Variants in LRFN5 observed in about 807,000 individuals in gnomAD.
LRFN5 encodes leucine-rich repeat and fibronectin type-III domain-containing protein 5.
LRFN5 carries 24 observed loss-of-function variants against 45.6 expected under a neutral mutation model. That is an observed-to-expected ratio of 0.53 (90% CI 0.38 to 0.74). LRFN5 has a LOEUF of 0.74. Among genes scored for constraint, LRFN5 ranks in the 30% least tolerant of loss-of-function variants. The pLI is 0.00. For missense variants in LRFN5, 776 were observed against 861.5 expected, an observed-to-expected ratio of 0.90 and a Z score of 1.24; for synonymous variants, 340 against 313.8, an observed-to-expected ratio of 1.08 and a Z score of -0.88.
chr14:41,880,390 G>T (rs183162026), intron 2 of LRFN5, among the ~76,000 whole-genome samples: 1 of 151,886 alleles, frequency 6.6e-6, no homozygotes, highest in Admixed American at 6.6e-5. Flanking sequence ...TTAGATAACT[G>T]ATTTTAAACC....
chr14:41,635,121 A>C (rs916791188), intron 1 of LRFN5, among the ~76,000 whole-genome samples: 8 of 152,112 alleles, frequency 5.3e-5, no homozygotes, highest in Admixed American at 2.0e-4. Flanking sequence ...TATTTTTATA[A>C]TTTTAGAACT....
chr14:41,799,998 A>G lies in LRFN5; in HGVS notation c.-21+32969A>G, dbSNP rs144648265. On this transcript the variant is annotated intron_variant, in intron 2 of 5. Transcript: ENST00000298119. ...GGACAGGGAAGGGAAGGAAAAATTT[A>G]TCACTGATCAATTATTGGTAAGATA... is the stretch of plus-strand genomic sequence containing the variant. Among the ~76,000 whole-genome samples the G allele has an allele frequency of 3.4e-4, 52 of 152,090 alleles. No individual in the cohort carries two copies. In the East Asian group the frequency reaches 9.7e-3, roughly 28 times the overall value.
chr14:41,607,692 GCGGC>G lies in LRFN5; in HGVS notation c.-1066_-1063del, dbSNP rs1467985017. The stretch of plus-strand genomic sequence containing the variant: ...ACCCATTTTCCTGGCTGGATTTGGA[GCGGC>G]TGCTGGGCTGTGGACCCAGGTGTGT... On this transcript the variant is annotated 5_prime_UTR_variant, in exon 1 of 6. The change abolishes the stop of an existing upstream ORF in the 5' untranslated region. Coordinates refer to ENST00000298119, the MANE Select transcript of LRFN5 (RefSeq NM_152447.5). The G allele has an allele frequency of 6.6e-6, 1 of 152,336 alleles. No homozygotes were observed. The highest frequency in any genetic ancestry group is 2.4e-5 in the African/African-American group (1 of 41,448). The allele number at this position is 152,336 out of a possible 1,614,324, so 9.4% of individuals were successfully genotyped here. A position where few individuals can be genotyped will look rare whatever the true frequency, so the allele number is the denominator to read the frequency against.
intron 1 of LRFN5, among the ~76,000 whole-genome samples, chr14:41,665,714 A>G (rs1306956925): frequency 2.0e-5 from 3 of 152,058 alleles, no homozygotes; most frequent in African/African-American, 7.2e-5. Flanking sequence ...CTACTAGGAT[A>G]AAGTTAAAAC....
intron 1 of LRFN5, among the ~76,000 whole-genome samples, chr14:41,656,406 G>T (rs1001491257): frequency 1.3e-5 from 2 of 151,880 alleles, no homozygotes; most frequent in Non-Finnish European, 2.9e-5. Flanking sequence ...TTCTTGTTTG[G>T]TAGTATTTGA....
At chr14:41,842,595 C>G (rs1888901854) in intron 2 of LRFN5, among the ~76,000 whole-genome samples, 1 of 152,032 alleles carries the variant, frequency 6.6e-6, no homozygotes, top group Non-Finnish European at 1.5e-5. Context: ...ATTAAATACA[C>G]TGATACATTT....
intron 1 of LRFN5, among the ~76,000 whole-genome samples, chr14:41,631,594 A>G (rs930331581): frequency 1.4e-4 from 21 of 152,186 alleles, no homozygotes; most frequent in African/African-American, 5.1e-4. Flanking sequence ...AGTGAATGTA[A>G]GATATCAAGT....
chr14:41,621,261 T>C (rs1296961758), intron 1 of LRFN5, among the ~76,000 whole-genome samples: 4 of 152,088 alleles, frequency 2.6e-5, no homozygotes, highest in African/African-American at 7.2e-5. Context: ...ATATTGGGAA[T>C]GAGAAATTAG....
At chr14:41,797,256 A>G (rs928215796) in intron 2 of LRFN5, among the ~76,000 whole-genome samples, 41 of 151,662 alleles carry the variant, frequency 2.7e-4, no homozygotes, top group African/African-American at 8.7e-4. Flanking sequence ...TTATTTATTT[A>G]TTTGGGTGTT....
chr14:41,752,324 C>G (rs574637230), intron 1 of LRFN5, among the ~76,000 whole-genome samples: 1 of 152,174 alleles, frequency 6.6e-6, no homozygotes, highest in South Asian at 2.1e-4. Context: ...GTTCTAGATC[C>G]CTGAGGAATC....
intron 2 of LRFN5, among the ~76,000 whole-genome samples, chr14:41,812,078 A>G (rs750184577): frequency 1.3e-5 from 2 of 152,092 alleles, no homozygotes; most frequent in Non-Finnish European, 2.9e-5. Context: ...AATATCTACT[A>G]TCTAGGACAT....
intron 2 of LRFN5, among the ~76,000 whole-genome samples, chr14:41,802,158 G>A (rs1037672799): frequency 1.3e-5 from 2 of 152,166 alleles, no homozygotes; most frequent in African/African-American, 4.8e-5. Context: ...CTGGACAAAA[G>A]TTAAAGCAGT....
intron 1 of LRFN5, among the ~76,000 whole-genome samples, chr14:41,741,897 C>T (rs1214847276): frequency 6.7e-6 from 1 of 150,108 alleles, no homozygotes; most frequent in African/African-American, 2.4e-5. Context: ...TGTGAATGAC[C>T]AACAGATATA....
intron 2 of LRFN5, among the ~76,000 whole-genome samples, chr14:41,880,779 C>T (rs1200348576): frequency 6.6e-6 from 1 of 152,016 alleles, no homozygotes; most frequent in Non-Finnish European, 1.5e-5. Context: ...TTTTTCCTAT[C>T]GTGTCATTTC....
rs571153216 is a variant in LRFN5, at chr14:41,797,365, C to T, written c.-21+30336C>T. On this transcript the variant is annotated intron_variant, in intron 2 of 5. Transcript: ENST00000298119. ...TGCCATTTGTTTGTGAATATATCACCTTCCTATTTTGTGATGATTTTTAAA... is the reference window on the plus strand; with the variant it reads ...TGCCATTTGTTTGTGAATATATCACTTTCCTATTTTGTGATGATTTTTAAA... Among the ~76,000 whole-genome samples, 5 of 151,598 alleles carry T rather than the reference C, an allele frequency of 3.3e-5. No homozygotes were observed. In the South Asian group the frequency reaches 1.0e-3, roughly 31 times the overall value.
chr14:41,793,424 T>G lies in LRFN5; in HGVS notation c.-21+26395T>G, dbSNP rs147971110. ...TGAAATAGTTCTTTTCCAGTAAAAT[T>G]TCATAATATTGTAACTTTTGGAATA... On this transcript the variant is annotated intron_variant, in intron 2 of 5. Coordinates refer to ENST00000298119, the MANE Select transcript of LRFN5 (RefSeq NM_152447.5). 3.0e-3 allele frequency among the ~76,000 whole-genome samples: 461 copies of G among 152,228 alleles called. 4 individuals are homozygous for G. The highest frequency in any genetic ancestry group is 0.011 in the African/African-American group (438 of 41,562).
chr14:41,827,943 C>G (rs952308504), intron 2 of LRFN5, among the ~76,000 whole-genome samples: 1 of 151,940 alleles, frequency 6.6e-6, no homozygotes, highest in Non-Finnish European at 1.5e-5. Flanking sequence ...CTTTTATTCT[C>G]AAAAGTTTCA....
intron 2 of LRFN5, among the ~76,000 whole-genome samples, chr14:41,854,816 G>C (rs72668900): frequency 0.046 from 7,012 of 152,178 alleles, 306 homozygotes; most frequent in Non-Finnish European, 0.062. Context: ...TTGTGGAGGA[G>C]AGCCTAATTA....
At chr14:41,812,659 T>A (rs550457662) in intron 2 of LRFN5, among the ~76,000 whole-genome samples, 1 of 152,014 alleles carries the variant, frequency 6.6e-6, no homozygotes, top group South Asian at 2.1e-4. Flanking sequence ...TTGAAAGAGA[T>A]TGTAATTAAA....
Sources: gnomAD v4.1 joint callset for allele counts (sites outside exome capture counted in the v4.1 genomes callset) on GRCh38, gnomAD v4.1.1 for gene constraint, MANE v1.5 for transcripts, NCBI Gene and HGNC (gene_info 2026-07-23, HGNC 2026-07-21) for gene names.